Variants in MTMR8 observed in about 807,000 individuals in gnomAD.
MTMR8 encodes the protein phosphatidylinositol-3,5-bisphosphate 3-phosphatase MTMR8.
In MTMR8, 65 loss-of-function variants were observed where a neutral mutation model predicts 39.3. The observed-to-expected ratio is 1.65, with a 90% CI of 1.35 to 2.03. The LOEUF (loss-of-function observed/expected upper bound fraction) is 2.03. Among genes scored for constraint, MTMR8 ranks in the 30% most tolerant of loss-of-function variants. The pLI, the probability that MTMR8 is intolerant of heterozygous loss-of-function variation, is 0.00. For synonymous variants in MTMR8, 245 were observed against 185.2 expected, an observed-to-expected ratio of 1.32 and a Z score of -2.62; for missense variants, 777 against 538.9, an observed-to-expected ratio of 1.44 and a Z score of -4.37.
chrX:64,305,264 A>G (rs981200942), intron 12 of MTMR8: 27 of 169,573 alleles, frequency 1.6e-4, no homozygotes, highest in Non-Finnish European at 3.0e-4. Context: ...TTGGCTATGG[A>G]TTCTGCCTCA....
intron 1 of MTMR8, among the ~76,000 whole-genome samples, chrX:64,375,796 T>C (rs1487861509): frequency 9.0e-6 from 1 of 111,711 alleles, no homozygotes; most frequent in Admixed American, 9.5e-5. Flanking sequence ...TAAATTCTAT[T>C]GTCTCACTGA....
chrX:64,340,276 G>A (rs1391570859), intron 8 of MTMR8, among the ~76,000 whole-genome samples: 1 of 112,022 alleles, frequency 8.9e-6, no homozygotes, highest in Non-Finnish European at 1.9e-5. Flanking sequence ...GGATGTGAAA[G>A]CTGGAATTAT....
At chrX:64,349,563 T>C (rs188452984) in intron 5 of MTMR8, among the ~76,000 whole-genome samples, 1 of 111,161 alleles carries the variant, frequency 9.0e-6, no homozygotes, top group East Asian at 2.8e-4. Flanking sequence ...CCTGAAATTA[T>C]ATGAAAAGCA....
chrX:64,364,327 C>T (rs1457256114), intron 1 of MTMR8, among the ~76,000 whole-genome samples: 2 of 112,224 alleles, frequency 1.8e-5, no homozygotes, highest in African/African-American at 6.5e-5. Context: ...TGGGAGACAC[C>T]TCCCAGTAGG....
rs1487803232 is a variant in MTMR8, at chrX:64,285,469, A to C, written c.1482-14396T>G. ...AACTGAATTCAGCTCTGCACCAAGC[A>C]GACCTAATAGACATCTACAGAACAC... On this transcript the variant is annotated intron_variant, in intron 12 of 13. Transcript: ENST00000374852. 2.7e-5 allele frequency among the ~76,000 whole-genome samples: 3 copies of C among 111,675 alleles called. No individual in the cohort carries two copies. The Admixed American group carries it at 2.9e-4, about 11-fold the overall frequency.
intron 12 of MTMR8, among the ~76,000 whole-genome samples, chrX:64,288,523 T>G (rs1602109378): frequency 8.9e-6 from 1 of 111,738 alleles, no homozygotes; most frequent in Non-Finnish European, 1.9e-5. Context: ...ACTGGGTATA[T>G]ACCCAAAGGA....
At chrX:64,307,741 T>C (rs1177379155) in intron 12 of MTMR8, among the ~76,000 whole-genome samples, 2 of 112,066 alleles carry the variant, frequency 1.8e-5, no homozygotes, top group Non-Finnish European at 3.8e-5. Flanking sequence ...AAAATCTGCC[T>C]GCGATTTTCA....
intron 12 of MTMR8, among the ~76,000 whole-genome samples, chrX:64,300,424 G>A (rs1258399325): frequency 5.4e-5 from 6 of 110,528 alleles, no homozygotes; most frequent in African/African-American, 2.0e-4. Flanking sequence ...TTTTCCATTT[G>A]CTTGGTAGAG....
At chrX:64,280,069 T>C (rs1467032173) in intron 12 of MTMR8, among the ~76,000 whole-genome samples, 1 of 111,483 alleles carries the variant, frequency 9.0e-6, no homozygotes, top group Non-Finnish European at 1.9e-5. Flanking sequence ...GCCTACCAAC[T>C]AAAAAAAGCC....
chrX:64,346,402 T>C (rs1398334657), intron 6 of MTMR8, among the ~76,000 whole-genome samples: 1 of 111,321 alleles, frequency 9.0e-6, no homozygotes, highest in Admixed American at 9.5e-5. Context: ...AATGTGATGG[T>C]AATTTTGATC....
intron 1 of MTMR8, among the ~76,000 whole-genome samples, chrX:64,388,400 C>T (rs189787756): frequency 6.4e-4 from 71 of 111,506 alleles, no homozygotes; most frequent in African/African-American, 2.1e-3. Flanking sequence ...AAGTAATAAG[C>T]GAGAAAATAT....
Position 64,359,570 on chromosome X carries a change from C to A in MTMR8, c.25-43G>T, listed in dbSNP as rs181272666. ...AATACTGAATAAGTTACCAACTCAC[C>A]ACCTATGATTGAAGTGGGGCCATTC... is the stretch of plus-strand genomic sequence containing the variant. On this transcript the variant is annotated intron_variant, in intron 1 of 13. Transcript: ENST00000374852. 4.8e-4 allele frequency: 549 copies of A among 1,153,298 alleles called. 3 individuals carry two copies. In the African/African-American group the frequency reaches 7.7e-3, roughly 16 times the overall value.
intron 2 of MTMR8, among the ~76,000 whole-genome samples, chrX:64,357,397 G>A (rs774171132): frequency 1.8e-5 from 2 of 111,493 alleles, no homozygotes; most frequent in African/African-American, 3.3e-5. Context: ...TGGAGCAAGT[G>A]TGGAAATGAT....
rs1030877432 is a variant in MTMR8, at chrX:64,347,220, G to A, written c.732+1440C>T. On this transcript the variant is annotated intron_variant, in intron 6 of 13. Coordinates refer to ENST00000374852, the MANE Select transcript of MTMR8 (RefSeq NM_017677.4). ...AGGCCTGTCTTAATTTGCTCAAATT[G>A]GAGAGAGGAAAATGGAACCTGTTAA... is the stretch of plus-strand genomic sequence containing the variant. 3.5e-4 allele frequency among the ~76,000 whole-genome samples: 39 copies of A among 110,644 alleles called. 1 individual carries two copies. The highest frequency in any genetic ancestry group is 6.6e-4 in the Non-Finnish European group (35 of 52,866).
intron 11 of MTMR8, among the ~76,000 whole-genome samples, 164 bp from the exon 12 acceptor site, chrX:64,329,064 G>A (rs1325401931): frequency 8.9e-6 from 1 of 111,773 alleles, no homozygotes; most frequent in Non-Finnish European, 1.9e-5. Context: ...AAGTGTTGAT[G>A]GAGTAACAAA....
rs372991053 is a variant in MTMR8 at position 64,365,677 on chromosome X, C to T, written c.25-6150G>A. ...AAACAGGCTAAATTGTAAAGATCAT[C>T]GAGGCTAGGAAGAAACTGCATCAAC... is the stretch of plus-strand genomic sequence containing the variant. On this transcript the variant is annotated intron_variant, in intron 1 of 13. Transcript: ENST00000374852. Among the ~76,000 whole-genome samples, 71 of 111,635 alleles carry T rather than the reference C, an allele frequency of 6.4e-4. No homozygotes were observed. In the South Asian group the frequency reaches 0.013, roughly 20 times the overall value.
chrX:64,336,495 T>TAA lies in MTMR8; in HGVS notation c.1102-369_1102-368dup, dbSNP rs757634283. Reference sequence around the variant, plus strand: ...CAGTAACAAAACCATTTTTAACCATTAAAAAAAAAAAAAAAATTCTAGCCA... The same window carrying TAA: ...CAGTAACAAAACCATTTTTAACCATTAAAAAAAAAAAAAAAAAATTCTAGCCA... On this transcript the variant is annotated intron_variant, in intron 9 of 13. Transcript: ENST00000374852. Among the ~76,000 whole-genome samples, 803 of 96,970 alleles carry TAA rather than the reference T, an allele frequency of 8.3e-3. 12 individuals are homozygous for TAA. The highest frequency in any genetic ancestry group is 0.028 in the African/African-American group (742 of 26,917). The allele number at this position is 96,970 out of a possible 115,157, so 84.2% of individuals were successfully genotyped here.
rs1931952113 is a variant in MTMR8, at chrX:64,279,260, AC to A, written c.1482-8188del. Among the ~76,000 whole-genome samples, 3 of 112,162 alleles carry A rather than the reference AC, an allele frequency of 2.7e-5. No individual in the cohort carries two copies. In the South Asian group the frequency reaches 1.1e-3, roughly 42 times the overall value. ...AACTCATTTCGTGTTAGCCAGAGTTACCCTTATACCAAAGAAAATTATAGGC... is the reference window on the plus strand; with the variant it reads ...AACTCATTTCGTGTTAGCCAGAGTTACCTTATACCAAAGAAAATTATAGGC... On this transcript the variant is annotated intron_variant, in intron 12 of 13. Transcript: ENST00000374852.
At chrX:64,297,948 T>C (rs1472917798) in intron 12 of MTMR8, among the ~76,000 whole-genome samples, 2 of 94,379 alleles carry the variant, frequency 2.1e-5, no homozygotes, top group African/African-American at 7.8e-5. Context: ...TATATCTCTG[T>C]TTTGGTACCA....
Sources: gnomAD v4.1 joint callset for allele counts (sites outside exome capture counted in the v4.1 genomes callset) on GRCh38, gnomAD v4.1.1 for gene constraint, MANE v1.5 for transcripts, NCBI Gene and HGNC (gene_info 2026-07-23, HGNC 2026-07-21) for gene names.